Variants in SYN2 observed in about 807,000 individuals in gnomAD.
The protein encoded by SYN2 is synapsin-2.
A neutral mutation model predicts 50.9 loss-of-function variants in SYN2; 19 were observed. The ratio of observed to expected loss-of-function variants is 0.37; its 90% CI spans 0.26 to 0.55. The LOEUF (loss-of-function observed/expected upper bound fraction) is 0.55. Among genes scored for constraint, SYN2 ranks in the 20% least tolerant of loss-of-function variants. The probability of loss-of-function intolerance (pLI) is 0.81; values close to 1 mark genes in which losing one functional copy is unlikely to be tolerated. For synonymous variants in SYN2, 255 were observed against 224.9 expected, an observed-to-expected ratio of 1.13 and a Z score of -1.20; for missense variants, 587 against 576.4, an observed-to-expected ratio of 1.02 and a Z score of -0.19.
chr3:12,077,857 A>G (rs1280083828), intron 1 of SYN2, among the ~76,000 whole-genome samples: 2 of 152,186 alleles, frequency 1.3e-5, no homozygotes, highest in Non-Finnish European at 2.9e-5. Context: ...TGCTGGGTCA[A>G]ATGGTATTTC....
intron 1 of SYN2, among the ~76,000 whole-genome samples, chr3:12,133,348 A>T (rs1266630268): frequency 1.3e-5 from 2 of 152,212 alleles, no homozygotes; most frequent in Non-Finnish European, 2.9e-5. Context: ...TGAAAGTTTT[A>T]TGGTCCATAA....
rs959750007 is a variant in SYN2 at position 12,084,071 on chromosome 3, A to T, written c.378-56580A>T. ...TTAGGTAGCCATCTAAGGTTTAATT[A>T]AAACTCTTCATTGATCAGGAATTTA... On this transcript the variant is annotated intron_variant, in intron 1 of 12. Transcript: ENST00000621198. Among the ~76,000 whole-genome samples, 92 of 152,286 alleles carry T rather than the reference A, an allele frequency of 6.0e-4. 2 individuals are homozygous for T. The highest frequency in any genetic ancestry group is 5.2e-4 in the Admixed American group (8 of 15,298).
At chr3:12,161,789 C>A in intron 6 of SYN2, 181 bp downstream of exon 6, 1 of 958,778 alleles carries the variant, frequency 1.0e-6, no homozygotes, top group Non-Finnish European at 1.6e-6. Context: ...AAGCAGAATG[C>A]AAGCCACCTG....
chr3:12,009,400 T>A (rs968307865), intron 1 of SYN2, among the ~76,000 whole-genome samples: 12 of 152,262 alleles, frequency 7.9e-5, no homozygotes, highest in African/African-American at 2.9e-4. Context: ...TTAACTTTTA[T>A]ATTTTTCCAT....
At chr3:12,015,162 C>T (rs1694001502) in intron 1 of SYN2, among the ~76,000 whole-genome samples, 1 of 152,184 alleles carries the variant, frequency 6.6e-6, no homozygotes. Flanking sequence ...TGTGTCTTTA[C>T]CTGGATAATC....
intron 7 of SYN2, among the ~76,000 whole-genome samples, chr3:12,165,095 C>G (rs1381773694): frequency 6.6e-6 from 1 of 151,682 alleles, no homozygotes; most frequent in Non-Finnish European, 1.5e-5. Flanking sequence ...CAAGCAATTC[C>G]CCTCTCTCAG....
chr3:12,157,432 G>T, intron 5 of SYN2: 1 of 1,614,116 alleles, frequency 6.2e-7, no homozygotes, highest in Non-Finnish European at 8.5e-7. Context: ...GTGTCAGCAG[G>T]GTCTGCACTG....
intron 1 of SYN2, among the ~76,000 whole-genome samples, chr3:12,129,281 C>T (rs1046835601): frequency 2.6e-5 from 4 of 152,014 alleles, no homozygotes; most frequent in East Asian, 1.9e-4. Flanking sequence ...GAGGGAAAGT[C>T]GTACAAAAGC....
chr3:12,081,316 T>TA (rs1695583806), intron 1 of SYN2, among the ~76,000 whole-genome samples: 1 of 152,212 alleles, frequency 6.6e-6, no homozygotes, highest in Admixed American at 6.5e-5. Context: ...TATTACCTTC[T>TA]GTTGACTTCT....
intron 1 of SYN2, among the ~76,000 whole-genome samples, chr3:12,105,736 C>G (rs11715886): frequency 0.045 from 6,818 of 152,046 alleles, 200 homozygotes; most frequent in Non-Finnish European, 0.066. Flanking sequence ...AGGCAGTTCC[C>G]TCTCAATTCA....
At position 12,004,945 on chromosome 3, in the gene SYN2, G is replaced by T. The variant is rs2600235; in HGVS notation, c.377+17G>T. ...CGCCGACTGGTAGGTGCCGGGCGCC[G>T]CCGCCCTCGGGGGTCGGGGTCCGCC... is the stretch of plus-strand genomic sequence containing the variant. On this transcript the variant is annotated intron_variant, in intron 1 of 12. Coordinates refer to ENST00000621198, the MANE Select transcript of SYN2 (RefSeq NM_133625.6). 0.13 allele frequency: 69,312 copies of T among 514,352 alleles called. 5,566 individuals carry two copies. The highest frequency in any genetic ancestry group is 0.17 in the Non-Finnish European group (49,164 of 293,194). The allele number at this position is 514,352 out of a possible 1,614,324, so 31.9% of individuals were successfully genotyped here.
intron 4 of SYN2, among the ~76,000 whole-genome samples, chr3:12,147,729 G>A (rs940600139): frequency 6.6e-6 from 1 of 152,088 alleles, no homozygotes; most frequent in African/African-American, 2.4e-5. Flanking sequence ...CTGTGCCCCA[G>A]TTTCTTCATC....
At chr3:12,112,824 AT>A (rs1696352535) in intron 1 of SYN2, among the ~76,000 whole-genome samples, 1 of 152,210 alleles carries the variant, frequency 6.6e-6, no homozygotes, top group South Asian at 2.1e-4. Context: ...TTTAAAAAAA[AT>A]AAATACCCCA....
At chr3:12,096,542 GATTAT>G (rs937948760) in intron 1 of SYN2, among the ~76,000 whole-genome samples, 50 of 152,054 alleles carry the variant, frequency 3.3e-4, no homozygotes, top group African/African-American at 1.1e-3. Flanking sequence ...TTTGCTACTA[GATTAT>G]ATTATAAAAT....
intron 1 of SYN2, among the ~76,000 whole-genome samples, chr3:12,059,894 G>A (rs946750907): frequency 5.3e-5 from 8 of 152,088 alleles, no homozygotes; most frequent in Non-Finnish European, 8.8e-5. Context: ...TGAAAGCAGC[G>A]GGTATCAGCT....
At chr3:12,106,082 C>T (rs1317708247) in intron 1 of SYN2, among the ~76,000 whole-genome samples, 2 of 152,176 alleles carry the variant, frequency 1.3e-5, no homozygotes, top group East Asian at 3.8e-4. Flanking sequence ...TTTCCAAGCT[C>T]ATTCTTGTTG....
chr3:12,112,659 G>C (rs186604806), intron 1 of SYN2, among the ~76,000 whole-genome samples: 9 of 152,172 alleles, frequency 5.9e-5, no homozygotes, highest in Admixed American at 2.0e-4. Flanking sequence ...TCTAGATGAG[G>C]GCTCTAAAAC....
intron 5 of SYN2, chr3:12,156,672 G>T: frequency 1.7e-6 from 1 of 591,060 alleles, no homozygotes; most frequent in Non-Finnish European, 3.0e-6. Flanking sequence ...CCCAGAGGTT[G>T]TCTGTCACTA....
At chr3:12,157,550 A>G in intron 5 of SYN2, 1 of 1,490,156 alleles carries the variant, frequency 6.7e-7, no homozygotes, top group South Asian at 1.1e-5. Context: ...GGTCTGGATG[A>G]TCCAGGGTCC....
Sources: gnomAD v4.1 joint callset for allele counts (sites outside exome capture counted in the v4.1 genomes callset) on GRCh38, gnomAD v4.1.1 for gene constraint, MANE v1.5 for transcripts, NCBI Gene and HGNC (gene_info 2026-07-23, HGNC 2026-07-21) for gene names.